The following OXSR1 variants were observed in gnomAD, a reference collection of about 807,000 sequenced individuals.
OXSR1 encodes oxidative stress responsive kinase 1, also known as serine/threonine-protein kinase OSR1.
In OXSR1, 24 loss-of-function variants were observed where a neutral mutation model predicts 79.8. The observed-to-expected ratio is 0.30, with a 90% CI of 0.22 to 0.42. OXSR1 has a LOEUF of 0.42. OXSR1 is among the 10% of genes least tolerant of loss of function. The pLI, the probability that OXSR1 is intolerant of heterozygous loss-of-function variation, is 1.00. For synonymous variants in OXSR1, 226 were observed against 209.2 expected, an observed-to-expected ratio of 1.08 and a Z score of -0.69; for missense variants, 430 against 618.4, an observed-to-expected ratio of 0.70 and a Z score of 3.23.
At chr3:38,204,203 C>T (rs903522260) in intron 4 of OXSR1, among the ~76,000 whole-genome samples, 6 of 152,130 alleles carry the variant, frequency 3.9e-5, no homozygotes, top group Non-Finnish European at 7.4e-5. Context: ...GGGGTGAATG[C>T]TGCCAGTCCT....
intron 1 of OXSR1, among the ~76,000 whole-genome samples, chr3:38,182,446 C>T (rs1701804989): frequency 6.6e-6 from 1 of 152,150 alleles, no homozygotes; most frequent in African/African-American, 2.4e-5. Context: ...CTGAGCTGCC[C>T]CTTTCATAGA....
At chr3:38,248,839 T>C (rs9879252) in intron 14 of OXSR1, among the ~76,000 whole-genome samples, 1,610 of 152,232 alleles carry the variant, frequency 0.011, 30 homozygotes, top group African/African-American at 0.036. Context: ...TTTAAGAAAA[T>C]TATTGTGAAA....
intron 11 of OXSR1, among the ~76,000 whole-genome samples, chr3:38,240,488 G>A (rs1382784155): frequency 6.6e-6 from 1 of 152,042 alleles, no homozygotes; most frequent in African/African-American, 2.4e-5. Flanking sequence ...GTCTGTACTT[G>A]CATATATTTC....
chr3:38,168,355 T>C (rs1048856148), intron 1 of OXSR1, among the ~76,000 whole-genome samples: 1 of 152,192 alleles, frequency 6.6e-6, no homozygotes, highest in East Asian at 1.9e-4. Context: ...AGTTAATCCC[T>C]TTTTCCACCT....
At chr3:38,193,952 A>G (rs1702029137) in intron 3 of OXSR1, among the ~76,000 whole-genome samples, 1 of 152,226 alleles carries the variant, frequency 6.6e-6, no homozygotes, top group Non-Finnish European at 1.5e-5. Context: ...TATAAAATGA[A>G]TAAACATTTA....
intron 11 of OXSR1, among the ~76,000 whole-genome samples, chr3:38,240,202 TAA>T (rs1703002073): frequency 6.6e-6 from 1 of 152,172 alleles, no homozygotes; most frequent in South Asian, 2.1e-4. Context: ...AAAGAAAACT[TAA>T]GACAAACCTT....
chr3:38,236,879 C>T lies in OXSR1; in HGVS notation c.992C>T (p.Thr331Ile). 1.2e-6 allele frequency: 2 copies of T among 1,612,590 alleles called. No homozygotes were observed. Among genetic ancestry groups the T allele is most frequent in the Non-Finnish European group, 1.7e-6 (2 of 1,179,000 alleles). The change falls in exon 11 of 18, where the codon ACA becomes ATA. Residue 331 changes from threonine (T) to isoleucine (I), a missense_variant. Physicochemically the swap from Thr to Ile is moderately conservative, Grantham distance 89. Coordinates refer to ENST00000311806, the MANE Select transcript of OXSR1 (RefSeq NM_005109.3). Reference protein sequence around the residue: ...VPGSSGRLHKTEDGGWEWSDD... With the variant: ...VPGSSGRLHKIEDGGWEWSDD... ...GGTTCCAGTGGGCGTCTTCATAAGA[C>T]AGAGGATGGAGGCTGGGAGTGGAGT... is the stretch of plus-strand genomic sequence containing the variant.
At chr3:38,171,046 G>C (rs1218683425) in intron 1 of OXSR1, among the ~76,000 whole-genome samples, 1 of 152,100 alleles carries the variant, frequency 6.6e-6, no homozygotes, top group Non-Finnish European at 1.5e-5. Flanking sequence ...AAAGTGTTGG[G>C]GTTTACAGGT....
At chr3:38,226,100 T>C (rs989283915) in intron 8 of OXSR1, among the ~76,000 whole-genome samples, 1 of 152,036 alleles carries the variant, frequency 6.6e-6, no homozygotes, top group Non-Finnish European at 1.5e-5. Flanking sequence ...CCAAATCAGT[T>C]TTTATTTTTG....
At chr3:38,231,723 A>C (rs1702810759) in intron 10 of OXSR1, among the ~76,000 whole-genome samples, 1 of 151,854 alleles carries the variant, frequency 6.6e-6, no homozygotes, top group South Asian at 2.1e-4. Context: ...TATGCTTATT[A>C]ATAATATGTA....
chr3:38,217,718 T>C (rs2125833312), intron 5 of OXSR1, among the ~76,000 whole-genome samples: 1 of 152,050 alleles, frequency 6.6e-6, no homozygotes, highest in South Asian at 2.1e-4. Context: ...GTAGAGACAG[T>C]GTTTCTCCAT....
intron 2 of OXSR1, among the ~76,000 whole-genome samples, chr3:38,184,015 A>G (rs995847154): frequency 1.3e-5 from 2 of 152,182 alleles, no homozygotes; most frequent in African/African-American, 4.8e-5. Context: ...CTGCCATACA[A>G]ATGTGAACTA....
Position 38,165,821 on chromosome 3 carries a change from A to G in OXSR1, c.-56A>G. 6.9e-7 allele frequency: 1 copy of G among 1,446,548 alleles called. No homozygotes were observed. The highest frequency in any genetic ancestry group is 9.6e-7 in the Non-Finnish European group (1 of 1,045,144). The allele number at this position is 1,446,548 out of a possible 1,614,324, so 89.6% of individuals were successfully genotyped here. The stretch of plus-strand genomic sequence containing the variant: ...GTTGGGGGTGGGGAGACGCGCGGCG[A>G]GGAGACGAGCGAGGTCAGCGAGTTT... On this transcript the variant is annotated 5_prime_UTR_variant, in exon 1 of 18. Transcript: ENST00000311806.
In OXSR1 at chr3:38,181,218, A is replaced by G. The variant is rs191556883; in HGVS notation, c.71-1785A>G. On this transcript the variant is annotated intron_variant, in intron 1 of 17. Transcript: ENST00000311806. ...ACCAAATTTATCTTCTGTCATTTCC[A>G]CTCTGCTATTGAGTCTGTCCAGCAA... is the stretch of plus-strand genomic sequence containing the variant. Among the ~76,000 whole-genome samples the G allele has an allele frequency of 2.1e-3, 307 of 147,408 alleles. 1 individual carries two copies. Among genetic ancestry groups the G allele is most frequent in the Admixed American group, 8.9e-3 (131 of 14,776 alleles).
chr3:38,221,585 G>A lies in OXSR1; in HGVS notation c.498G>A (p.Gly166=), dbSNP rs1220406031. 6.2e-7 allele frequency: 1 copy of A among 1,600,472 alleles called. No homozygotes were observed. The highest frequency in any genetic ancestry group is 1.1e-5 in the South Asian group (1 of 90,762). The change falls in exon 6 of 18, where the codon GGG becomes GGA. Residue 166 remains glycine (G), a synonymous_variant. Coordinates refer to ENST00000311806, the MANE Select transcript of OXSR1 (RefSeq NM_005109.3). ...TGTTGTATTCTATTTCAGACTTTGG[G>A]GTTAGTGCTTTTTTAGCAACTGGTG... ...EDGSVQIADF[G]VSAFLATGGD...
chr3:38,193,436 G>C lies in OXSR1; in HGVS notation c.292+2597G>C, dbSNP rs752367906. ...AGTATTAGGTAATACTGTATCTTTC[G>C]TTATTGATCACCTATAGCATAATTT... On this transcript the variant is annotated intron_variant, in intron 3 of 17. Coordinates refer to ENST00000311806, the MANE Select transcript of OXSR1 (RefSeq NM_005109.3). 2.7e-5 allele frequency: 34 copies of C among 1,251,488 alleles called. No homozygotes were observed. In the African/African-American group the frequency reaches 4.8e-4, roughly 18 times the overall value. The allele number at this position is 1,251,488 out of a possible 1,614,324, so 77.5% of individuals were successfully genotyped here. A position where few individuals can be genotyped will look rare whatever the true frequency, so the allele number is the denominator to read the frequency against.
intron 10 of OXSR1, among the ~76,000 whole-genome samples, chr3:38,235,052 A>G (rs1462878074): frequency 6.6e-6 from 1 of 152,178 alleles, no homozygotes; most frequent in Non-Finnish European, 1.5e-5. Flanking sequence ...AAGAGACAGA[A>G]AGTAGATTAG....
intron 1 of OXSR1, among the ~76,000 whole-genome samples, chr3:38,176,963 A>G (rs1031611581): frequency 2.0e-5 from 3 of 152,274 alleles, no homozygotes; most frequent in Non-Finnish European, 4.4e-5. Flanking sequence ...TTTTATGTAT[A>G]TAAGATAAAT....
chr3:38,203,127 G>A (rs1212469583), intron 4 of OXSR1, among the ~76,000 whole-genome samples: 1 of 152,190 alleles, frequency 6.6e-6, no homozygotes, highest in Non-Finnish European at 1.5e-5. Flanking sequence ...AGCGGTAGAA[G>A]GAATAGTGAA....
Sources: gnomAD v4.1 joint callset for allele counts (sites outside exome capture counted in the v4.1 genomes callset) on GRCh38, gnomAD v4.1.1 for gene constraint, MANE v1.5 for transcripts, NCBI Gene and HGNC (gene_info 2026-07-23, HGNC 2026-07-21) for gene names.